CDIP1: variants seen among roughly 807,000 people sequenced by gnomAD.
CDIP1 encodes the protein cell death inducing p53 target 1.
CDIP1 carries 9 observed loss-of-function variants against 17.7 expected under a neutral mutation model. That is an observed-to-expected ratio of 0.51 (90% confidence interval 0.31 to 0.89). The LOEUF (loss-of-function observed/expected upper bound fraction) is 0.89. Ranked by LOEUF, CDIP1 falls within the 40% of genes least tolerant of loss-of-function variation. CDIP1 has a pLI of 0.05. For synonymous variants in CDIP1, 117 were observed against 109.5 expected (o/e 1.07, Z -0.43); for missense variants, 263 against 277.9 (o/e 0.95, Z 0.38).
intron 1 of CDIP1, among the ~76,000 whole-genome samples, chr16:4,521,087 GGTGTGT>G (rs35743524): frequency 2.3e-4 from 34 of 150,414 alleles, no homozygotes; most frequent in Admixed American, 2.0e-3. Context: ...ATGCAACACT[GGTGTGT>G]GTGTGTGTGT....
rs1323685697 is a variant in CDIP1 at position 4,514,475 on chromosome 16, TC to T, written c.-15+99del. The T allele has an allele frequency of 3.5e-6, 1 of 287,088 alleles. No homozygotes were observed. Among genetic ancestry groups the T allele is most frequent in the Non-Finnish European group, 6.4e-6 (1 of 155,434 alleles). The allele number at this position is 287,088 out of a possible 1,614,324, so 17.8% of individuals were successfully genotyped here. A position where few individuals can be genotyped will look rare whatever the true frequency, so the allele number is the denominator to read the frequency against. On this transcript the variant is annotated intron_variant, in intron 2 of 5. Coordinates refer to ENST00000567695, the MANE Select transcript of CDIP1 (RefSeq NM_013399.3). The surrounding 1 kb of genome is among the most constrained non-coding windows in gnomAD (Gnocchi z 5.2). ...AGCAGTTTGGCACCGAGCTCTCCCCTCCCCAAACGTTTAGCGGGCACTAAGG... is the reference window on the plus strand; with the variant it reads ...AGCAGTTTGGCACCGAGCTCTCCCCTCCCAAACGTTTAGCGGGCACTAAGG...
chr16:4,513,525 C>A lies in CDIP1; in HGVS notation c.241+171G>T, dbSNP rs540304719. 4.4e-4 allele frequency among the ~76,000 whole-genome samples: 67 copies of A among 152,332 alleles called. No homozygotes were observed. The highest frequency in any genetic ancestry group is 1.6e-3 in the African/African-American group (65 of 41,570). ...CCTGAATAAGAGCAGTCCCACCTTCCCACGTCCACAGTCCCTGTCCACACA... is the reference window on the plus strand; with the variant it reads ...CCTGAATAAGAGCAGTCCCACCTTCACACGTCCACAGTCCCTGTCCACACA... On this transcript the variant is annotated intron_variant, in intron 4 of 5. Transcript: ENST00000567695. This position sits in a 1 kb window ranked among gnomAD's most constrained non-coding sequence, Gnocchi z 4.1.
chr16:4,527,958 A>T (rs1184910633), intron 1 of CDIP1, among the ~76,000 whole-genome samples: 2 of 151,952 alleles, frequency 1.3e-5, no homozygotes, highest in Non-Finnish European at 1.5e-5. Context: ...CAAGGATTAC[A>T]CGCACCCGCC....
intron 1 of CDIP1, chr16:4,536,495 A>G (rs920695830): frequency 9.2e-5 from 14 of 152,188 alleles, no homozygotes; most frequent in African/African-American, 3.4e-4. Flanking sequence ...ATTATTGCCA[A>G]CGTGATCTGC....
Position 4,511,579 on chromosome 16 carries a change from G to A in CDIP1, c.*993C>T, listed in dbSNP as rs2058829792. 6.6e-6 allele frequency: 1 copy of A among 152,300 alleles called. No individual in the cohort carries two copies. The highest frequency in any genetic ancestry group is 2.4e-5 in the African/African-American group (1 of 41,420). 9.4% of individuals were successfully genotyped at this position (152,300 alleles called of 1,614,324 possible). A position where few individuals can be genotyped will look rare whatever the true frequency, so the allele number is the denominator to read the frequency against. On this transcript the variant is annotated 3_prime_UTR_variant, in exon 6 of 6. Coordinates refer to ENST00000567695, the MANE Select transcript of CDIP1 (RefSeq NM_013399.3). ...CCAGTGTGCCTGCAGGAGCAGGTGTGAGCAGGCACAGCAACAGCCTGTCAG... is the reference window on the plus strand; with the variant it reads ...CCAGTGTGCCTGCAGGAGCAGGTGTAAGCAGGCACAGCAACAGCCTGTCAG...
chr16:4,525,315 G>A (rs2058988541), intron 1 of CDIP1, among the ~76,000 whole-genome samples: 1 of 152,142 alleles, frequency 6.6e-6, no homozygotes, highest in African/African-American at 2.4e-5. Flanking sequence ...AAGTGCAGCT[G>A]GTTGCCTTGG....
At chr16:4,536,772 C>CCAA (rs536431129) in intron 1 of CDIP1, 2 of 101,578 alleles carry the variant, frequency 2.0e-5, no homozygotes, top group African/African-American at 7.4e-5. Flanking sequence ...GCCATCTCTA[C>CCAA]AAAAAAAAAA....
chr16:4,513,082 A>G lies in CDIP1; in HGVS notation c.242-18T>C. 1 of 1,571,274 alleles carries G rather than the reference A, an allele frequency of 6.4e-7. No individual in the cohort carries two copies. The highest frequency in any genetic ancestry group is 1.2e-5 in the South Asian group (1 of 86,384). ...GTAGAAACCTGGAATGGCACAGAAG[A>G]TGGAGGCGAGAGGTCACTGGCCTGC... is the stretch of plus-strand genomic sequence containing the variant. On this transcript the variant is annotated intron_variant, in intron 4 of 5. Coordinates refer to ENST00000567695, the MANE Select transcript of CDIP1 (RefSeq NM_013399.3). The surrounding 1 kb of genome is among the most constrained non-coding windows in gnomAD (Gnocchi z 4.1).
Position 4,513,041 on chromosome 16 carries a change from G to T in CDIP1, c.265C>A (p.His89Asn). 1 of 1,594,982 alleles carries T rather than the reference G, an allele frequency of 6.3e-7. No individual in the cohort carries two copies. Residue 89 changes from histidine (H) to asparagine (N), a missense_variant, in exon 5 of 6, where the codon CAC becomes AAC. By Grantham distance (68) the His-to-Asn change is moderately conservative. Transcript: ENST00000567695. This position sits in a 1 kb window ranked among gnomAD's most constrained non-coding sequence, Gnocchi z 4.1. The stretch of plus-strand genomic sequence containing the variant: ...GGGGGGTAGTAGCCCATGGGTGGGT[G>T]GGGGCCTGGAGGAGGGTAGAAACCT... ...PPGFYPPPGP[H>N]PPMGYYPPGP... is the part of the protein sequence containing the mutation.
rs928377921 is a variant in CDIP1, at chr16:4,514,122, G to A, written c.9C>T (p.Ser3=). Reference sequence around the variant, plus strand: ...CCCCAGGATAAGGAGGGGGAGGCTCGCTGGACATCTTCGCTGCTTCTCCTG... The same window carrying A: ...CCCCAGGATAAGGAGGGGGAGGCTCACTGGACATCTTCGCTGCTTCTCCTG... MS[S]EPPPPYPGGP... The change falls in exon 3 of 6, where the codon AGC becomes AGT. Residue 3 remains serine, a synonymous_variant. Transcript: ENST00000567695. The surrounding 1 kb of genome is among the most constrained non-coding windows in gnomAD (Gnocchi z 5.2). 5.8e-6 allele frequency: 9 copies of A among 1,543,822 alleles called. No individual in the cohort carries two copies. The highest frequency in any genetic ancestry group is 4.3e-5 in the African/African-American group (3 of 69,942).
At chr16:4,530,497 A>C (rs113455371) in intron 1 of CDIP1, among the ~76,000 whole-genome samples, 1 of 152,086 alleles carries the variant, frequency 6.6e-6, no homozygotes, top group African/African-American at 2.4e-5. Context: ...TAGAAATACA[A>C]AATTAGCCGG....
intron 1 of CDIP1, among the ~76,000 whole-genome samples, chr16:4,531,763 C>A (rs2059058967): frequency 1.3e-5 from 2 of 152,240 alleles, no homozygotes; most frequent in South Asian, 4.1e-4. Context: ...ACACATTCTC[C>A]AGAAATGGTT....
chr16:4,534,644 C>A, intron 1 of CDIP1, among the ~76,000 whole-genome samples: 1 of 152,098 alleles, frequency 6.6e-6, no homozygotes, highest in East Asian at 1.9e-4. Context: ...TGCAAAGAAC[C>A]CCATTTCCTC....
intron 1 of CDIP1, among the ~76,000 whole-genome samples, chr16:4,518,146 T>G (rs1361067364): frequency 6.6e-6 from 1 of 151,886 alleles, no homozygotes; most frequent in Non-Finnish European, 1.5e-5. Flanking sequence ...CTGGGTCCCT[T>G]GCAGGGAGCA....
Position 4,513,941 on chromosome 16 carries a change from G to A in CDIP1, c.86-90C>T, listed in dbSNP as rs953794456. The stretch of plus-strand genomic sequence containing the variant: ...GGCCACTGTTTTGGGACACAGATGG[G>A]GCCCAGGGGTAACCCTGGAGTGGGC... On this transcript the variant is annotated intron_variant, in intron 3 of 5. Transcript: ENST00000567695. The surrounding 1 kb of genome is among the most constrained non-coding windows in gnomAD (Gnocchi z 4.1). 25 of 1,391,764 alleles carry A rather than the reference G, an allele frequency of 1.8e-5. No individual in the cohort carries two copies. The highest frequency in any genetic ancestry group is 2.3e-5 in the Non-Finnish European group (24 of 1,028,256). 86.2% of individuals were successfully genotyped at this position (1,391,764 alleles called of 1,614,324 possible). A position where few individuals can be genotyped will look rare whatever the true frequency, so the allele number is the denominator to read the frequency against.
chr16:4,525,281 C>T (rs548622235), intron 1 of CDIP1, among the ~76,000 whole-genome samples: 7 of 152,256 alleles, frequency 4.6e-5, no homozygotes, highest in South Asian at 2.1e-4. Context: ...CAGATGCTTC[C>T]GTAGTTAAAA....
intron 1 of CDIP1, among the ~76,000 whole-genome samples, chr16:4,527,131 A>G (rs1391261369): frequency 6.7e-6 from 1 of 149,962 alleles, no homozygotes; most frequent in Non-Finnish European, 1.5e-5. Flanking sequence ...ACTGTCGCCC[A>G]GGCTGGAGTG....
intron 1 of CDIP1, among the ~76,000 whole-genome samples, chr16:4,534,233 G>T (rs572967672): frequency 1.3e-5 from 2 of 152,030 alleles, no homozygotes; most frequent in Non-Finnish European, 2.9e-5. Context: ...ATACAGCCAT[G>T]AGCCACCGCA....
At chr16:4,517,299 T>C (rs140175181) in intron 1 of CDIP1, among the ~76,000 whole-genome samples, 1 of 152,308 alleles carries the variant, frequency 6.6e-6, no homozygotes, top group Non-Finnish European at 1.5e-5. Flanking sequence ...GTTCAGAAAT[T>C]ACACCTCTTC....
Sources: allele counts gnomAD v4.1 joint callset (sites outside exome capture counted in the v4.1 genomes callset), GRCh38; gene constraint gnomAD v4.1.1; non-coding constraint Gnocchi (gnomAD v3.1); transcripts MANE v1.5; gene names NCBI Gene and HGNC (gene_info 2026-07-23, HGNC 2026-07-21).